The following ASAP2 variants were observed in gnomAD, a reference collection of about 807,000 sequenced individuals.
ASAP2 encodes ArfGAP with SH3 domain, ankyrin repeat and PH domain 2.
Under a neutral mutation model 131.4 loss-of-function variants are expected in ASAP2, and 45 were observed. The observed-to-expected ratio is 0.34, with a 90% CI of 0.27 to 0.44. ASAP2 has a LOEUF of 0.44. ASAP2 is among the 20% of genes least tolerant of loss of function. The pLI is 1.00. For missense variants in ASAP2, 1,011 were observed against 1,297.0 expected (o/e 0.78, Z 3.39); for synonymous variants, 510 against 503.0 (o/e 1.01, Z -0.19).
chr2:9,374,981 A>AG (rs1674281747), intron 17 of ASAP2, 37 bp downstream of exon 17: 1 of 1,538,640 alleles, frequency 6.5e-7, no homozygotes, highest in East Asian at 2.3e-5. Flanking sequence ...AAAAAAAAAA[A>AG]AAAGGCCGGC....
chr2:9,279,162 C>T (rs1386425839), intron 1 of ASAP2, among the ~76,000 whole-genome samples, 155 bp from the exon 2 acceptor site: 2 of 152,130 alleles, frequency 1.3e-5, no homozygotes, highest in Non-Finnish European at 2.9e-5. Flanking sequence ...CTCCCAGAAA[C>T]AGGTGCCGAG....
intron 3 of ASAP2, among the ~76,000 whole-genome samples, chr2:9,305,955 A>G (rs1323179228): frequency 2.2e-5 from 3 of 134,140 alleles, no homozygotes; most frequent in Non-Finnish European, 4.7e-5. Flanking sequence ...GGGTACAGAT[A>G]TTGGTGGAGG....
At chr2:9,258,878 A>G (rs1457024600) in intron 1 of ASAP2, among the ~76,000 whole-genome samples, 1 of 152,234 alleles carries the variant, frequency 6.6e-6, no homozygotes. Context: ...CTTTGCTTTT[A>G]GGACTCAGCA....
intron 9 of ASAP2, among the ~76,000 whole-genome samples, chr2:9,339,747 C>T (rs1432102618): frequency 6.6e-6 from 1 of 152,116 alleles, no homozygotes; most frequent in African/African-American, 2.4e-5. Flanking sequence ...CTTCCTTCTT[C>T]ACTATCTGAC....
rs757978691 is a variant in ASAP2 at position 9,379,036 on chromosome 2, G to A, written c.1925G>A (p.Arg642Gln). The A allele has an allele frequency of 6.4e-6, 10 of 1,572,776 alleles. No homozygotes were observed. The highest frequency in any genetic ancestry group is 2.3e-5 in the South Asian group (2 of 85,184). ...DNAECLKLLL[R>Q]GKASIEIANE... ...GCCGAGTGCCTCAAGTTGCTCCTGCGGGGGAAGGCCTCCATCGAGATAGGT... is the reference window on the plus strand; with the variant it reads ...GCCGAGTGCCTCAAGTTGCTCCTGCAGGGGAAGGCCTCCATCGAGATAGGT... The change falls in exon 19 of 28, where the codon CGG (arginine) becomes CAG (glutamine). Residue 642 changes from arginine (R) to glutamine (Q), a missense_variant. This residue lies in a region of ASAP2 where 652 missense variants were observed against 698.9 expected (regional missense o/e 0.93). Coordinates refer to ENST00000281419, the MANE Select transcript of ASAP2 (RefSeq NM_003887.3).
intron 1 of ASAP2, among the ~76,000 whole-genome samples, chr2:9,212,991 TC>T (rs1661704596): frequency 6.6e-6 from 1 of 152,220 alleles, no homozygotes; most frequent in East Asian, 1.9e-4. Context: ...CTTAAATTAG[TC>T]TGGGTGGGGC....
At chr2:9,303,203 T>C (rs1278388951) in intron 3 of ASAP2, among the ~76,000 whole-genome samples, 1 of 152,242 alleles carries the variant, frequency 6.6e-6, no homozygotes, top group Non-Finnish European at 1.5e-5. Flanking sequence ...GTCACTGTTT[T>C]AGACATAAAC....
chr2:9,322,819 G>T (rs1446576271), intron 5 of ASAP2, among the ~76,000 whole-genome samples: 1 of 152,186 alleles, frequency 6.6e-6, no homozygotes, highest in South Asian at 2.1e-4. Flanking sequence ...TAGAGGGCAG[G>T]AAGGCTCTGA....
At chr2:9,275,828 G>A (rs1666726278) in intron 1 of ASAP2, among the ~76,000 whole-genome samples, 2 of 152,076 alleles carry the variant, frequency 1.3e-5, no homozygotes, top group African/African-American at 4.8e-5. Flanking sequence ...TTAGAGGAAA[G>A]CATTAAAAAA....
At chr2:9,346,950 G>A (rs1465075059) in intron 11 of ASAP2, among the ~76,000 whole-genome samples, 5 of 152,194 alleles carry the variant, frequency 3.3e-5, no homozygotes, top group African/African-American at 7.2e-5. Context: ...CAGATAGTAC[G>A]GTTATAACCG....
intron 25 of ASAP2, among the ~76,000 whole-genome samples, chr2:9,400,468 T>G (rs1676568247): frequency 7.5e-6 from 1 of 132,834 alleles, no homozygotes; most frequent in Non-Finnish European, 1.6e-5. Context: ...TCCTCCCTCC[T>G]CCCTCGGCCT....
rs545911154 is a variant in ASAP2 at position 9,217,767 on chromosome 2, A to G, written c.126+10537A>G. Among the ~76,000 whole-genome samples the G allele has an allele frequency of 4.2e-4, 64 of 151,962 alleles. 2 individuals carry two copies. Among genetic ancestry groups the G allele is most frequent in the Middle Eastern group, 3.4e-3 (1 of 294 alleles). ...GTAGCTGGGACTACAGGCGCCTGCC[A>G]CCACGCCCGGCTAATTTTTGGTATT... On this transcript the variant is annotated intron_variant, in intron 1 of 27. Coordinates refer to ENST00000281419, the MANE Select transcript of ASAP2 (RefSeq NM_003887.3). The surrounding 1 kb of genome is among the most constrained non-coding windows in gnomAD (Gnocchi z 4.0).
At chr2:9,378,547 C>A (rs1420965625) in intron 18 of ASAP2, among the ~76,000 whole-genome samples, 3 of 152,244 alleles carry the variant, frequency 2.0e-5, no homozygotes, top group African/African-American at 7.2e-5. Flanking sequence ...CACAGGCATC[C>A]AGAGGCCCTG....
At chr2:9,337,294 A>G (rs1376000222) in intron 9 of ASAP2, among the ~76,000 whole-genome samples, 1 of 152,238 alleles carries the variant, frequency 6.6e-6, no homozygotes, top group Non-Finnish European at 1.5e-5. Flanking sequence ...GATGGCATTC[A>G]GCAAGTTGGA....
chr2:9,331,858 C>A (rs1670862884), intron 7 of ASAP2, among the ~76,000 whole-genome samples: 1 of 152,102 alleles, frequency 6.6e-6, no homozygotes, highest in Admixed American at 6.5e-5. Flanking sequence ...CCACTGTGAC[C>A]AGCTGTTGCT....
intron 1 of ASAP2, among the ~76,000 whole-genome samples, chr2:9,223,717 C>T (rs1276432921): frequency 2.0e-5 from 3 of 152,144 alleles, no homozygotes; most frequent in African/African-American, 2.4e-5. Flanking sequence ...ATGTCATCCT[C>T]AGGCTTCCAG....
chr2:9,368,584 G>A, intron 16 of ASAP2, 65 bp downstream of exon 16: 3 of 1,419,826 alleles, frequency 2.1e-6, no homozygotes, highest in Non-Finnish European at 3.0e-6. Flanking sequence ...AGCCCCGGGA[G>A]GCAGGGGAAT....
chr2:9,323,267 G>A lies in ASAP2; in HGVS notation c.600+17G>A, dbSNP rs764541960. The A allele has an allele frequency of 1.9e-6, 3 of 1,613,882 alleles. No individual in the cohort carries two copies. The highest frequency in any genetic ancestry group is 2.7e-5 in the African/African-American group (2 of 74,942). ...ATGTGCGAGGTAAGGCGGTGGTGAA[G>A]GCAGGTCCTACAGCCCAGGCTGTGC... On this transcript the variant is annotated intron_variant, in intron 6 of 27. Coordinates refer to ENST00000281419, the MANE Select transcript of ASAP2 (RefSeq NM_003887.3).
chr2:9,218,700 G>A (rs546927665), intron 1 of ASAP2, among the ~76,000 whole-genome samples: 1 of 152,300 alleles, frequency 6.6e-6, no homozygotes, highest in African/African-American at 2.4e-5. Flanking sequence ...TAACATGGAG[G>A]GTTGGATGCG....
Sources: allele counts gnomAD v4.1 joint callset (sites outside exome capture counted in the v4.1 genomes callset), GRCh38; gene constraint gnomAD v4.1.1; regional missense constraint gnomAD v4.1.1; non-coding constraint Gnocchi (gnomAD v3.1); transcripts MANE v1.5; gene names NCBI Gene and HGNC (gene_info 2026-07-23, HGNC 2026-07-21).